PTPRM: variants seen among roughly 807,000 people sequenced by gnomAD.
PTPRM encodes the protein receptor-type tyrosine-protein phosphatase mu.
A neutral mutation model predicts 186.7 loss-of-function variants in PTPRM; 47 were observed. The ratio of observed to expected loss-of-function variants is 0.25; its 90% confidence interval spans 0.20 to 0.32. The LOEUF (loss-of-function observed/expected upper bound fraction) is 0.32. Among genes scored for constraint, PTPRM ranks in the 10% least tolerant of loss-of-function variants. The probability of loss-of-function intolerance (pLI) is 1.00; values close to 1 mark genes in which losing one functional copy is unlikely to be tolerated. For missense variants in PTPRM, 1,494 were observed against 1,865.0 expected (o/e 0.80, Z 3.66); for synonymous variants, 668 against 674.9 (o/e 0.99, Z 0.16).
chr18:8,023,263 TA>T (rs758975059), intron 7 of PTPRM, among the ~76,000 whole-genome samples: 2 of 152,096 alleles, frequency 1.3e-5, no homozygotes, highest in Non-Finnish European at 2.9e-5. Context: ...TGAAAGAGAC[TA>T]AAAGTTCAGT....
intron 1 of PTPRM, among the ~76,000 whole-genome samples, chr18:7,738,489 G>T (rs1418841267): frequency 3.9e-5 from 6 of 152,090 alleles, no homozygotes; most frequent in East Asian, 3.9e-4. Flanking sequence ...AGGCTGGAGT[G>T]CAGTGGCACG....
At chr18:8,013,173 A>T (rs1301390996) in intron 7 of PTPRM, among the ~76,000 whole-genome samples, 1 of 152,318 alleles carries the variant, frequency 6.6e-6, no homozygotes, top group African/African-American at 2.4e-5. Context: ...GTATGAAAAT[A>T]GTATTAAATA....
At chr18:7,654,894 G>C (rs182251913) in intron 1 of PTPRM, among the ~76,000 whole-genome samples, 1 of 152,240 alleles carries the variant, frequency 6.6e-6, no homozygotes, top group East Asian at 1.9e-4. Flanking sequence ...GATGCCTCTA[G>C]ATTTTGTTCT....
chr18:7,672,352 G>A (rs1026774436), intron 1 of PTPRM, among the ~76,000 whole-genome samples: 3 of 151,988 alleles, frequency 2.0e-5, no homozygotes, highest in South Asian at 4.1e-4. Flanking sequence ...TTAGTATTTG[G>A]TTGGCTTTAC....
chr18:7,946,273 TGC>T (rs1568052869), intron 5 of PTPRM, among the ~76,000 whole-genome samples: 2 of 152,232 alleles, frequency 1.3e-5, no homozygotes, highest in African/African-American at 4.8e-5. Flanking sequence ...TTTTGATAGA[TGC>T]TTCTGTTTGG....
intron 7 of PTPRM, among the ~76,000 whole-genome samples, chr18:8,042,963 C>T (rs574189583): frequency 4.6e-5 from 7 of 152,250 alleles, no homozygotes; most frequent in Non-Finnish European, 7.4e-5. Flanking sequence ...CTCTTCACTC[C>T]GTCTCAACCG....
intron 1 of PTPRM, among the ~76,000 whole-genome samples, chr18:7,612,398 C>T (rs548227662): frequency 6.6e-6 from 1 of 152,062 alleles, no homozygotes; most frequent in African/African-American, 2.4e-5. Context: ...TAATTTAAGT[C>T]TACGTTCTGG....
At chr18:8,000,567 T>G (rs2083810397) in intron 7 of PTPRM, among the ~76,000 whole-genome samples, 1 of 152,192 alleles carries the variant, frequency 6.6e-6, no homozygotes, top group Non-Finnish European at 1.5e-5. Context: ...AGGTGCTTAG[T>G]TAAGCAAAGA....
chr18:7,991,726 G>A (rs913076811), intron 7 of PTPRM, among the ~76,000 whole-genome samples: 1 of 152,036 alleles, frequency 6.6e-6, no homozygotes, highest in Non-Finnish European at 1.5e-5. Context: ...TTTCTCATTA[G>A]TAACTGACAC....
intron 7 of PTPRM, among the ~76,000 whole-genome samples, chr18:7,973,311 A>T (rs765552209): frequency 1.3e-5 from 2 of 152,164 alleles, no homozygotes; most frequent in Non-Finnish European, 2.9e-5. Flanking sequence ...GTGCTGTCAG[A>T]TTACTTTCTA....
Position 7,650,811 on chromosome 18 carries a change from G to GA in PTPRM, c.73+82930dup, listed in dbSNP as rs11294839. Among the ~76,000 whole-genome samples the GA allele has an allele frequency of 7.8e-3, 1,116 of 142,566 alleles. 14 individuals are homozygous for GA. The highest frequency in any genetic ancestry group is 0.026 in the African/African-American group (1,000 of 38,914). The allele number at this position is 142,566 out of a possible 152,430, so 93.5% of individuals were successfully genotyped here. A position where few individuals can be genotyped will look rare whatever the true frequency, so the allele number is the denominator to read the frequency against. ...AATGATGTCAGTTCAACATCTACAT[G>GA]AAAAAAAAAATGAATCTAGACACTG... On this transcript the variant is annotated intron_variant, in intron 1 of 32. Coordinates refer to ENST00000580170, the MANE Select transcript of PTPRM (RefSeq NM_001105244.2).
intron 13 of PTPRM, among the ~76,000 whole-genome samples, chr18:8,118,081 G>A (rs879756002): frequency 6.6e-6 from 1 of 152,040 alleles, no homozygotes; most frequent in Admixed American, 6.6e-5. Context: ...TAAACTTGTA[G>A]GGTACACTAA....
At chr18:7,904,149 T>G (rs944839274) in intron 3 of PTPRM, among the ~76,000 whole-genome samples, 2 of 152,224 alleles carry the variant, frequency 1.3e-5, no homozygotes, top group African/African-American at 4.8e-5. Flanking sequence ...ATTGAAATTT[T>G]TATGGAAATC....
At chr18:8,349,096 C>T (rs1166048955) in intron 23 of PTPRM, among the ~76,000 whole-genome samples, 1 of 152,212 alleles carries the variant, frequency 6.6e-6, no homozygotes, top group Non-Finnish European at 1.5e-5. Context: ...GAACTAACAA[C>T]TTTCTAATTC....
rs749162959 is a variant in PTPRM, at chr18:8,379,351, C to T, written c.3786+11C>T. 6.0e-5 allele frequency: 96 copies of T among 1,598,574 alleles called. No individual in the cohort carries two copies. Among genetic ancestry groups the T allele is most frequent in the East Asian group, 2.9e-4 (13 of 44,448 alleles). On this transcript the variant is annotated intron_variant, in intron 28 of 32. Coordinates refer to ENST00000580170, the MANE Select transcript of PTPRM (RefSeq NM_001105244.2). ...GCTGCCCTCATGGACGTGAGTGCCC[C>T]GCTTCCCGCACGGGTCCGAGGCTGG...
At chr18:7,892,416 C>T in intron 3 of PTPRM, among the ~76,000 whole-genome samples, 1 of 152,090 alleles carries the variant, frequency 6.6e-6, no homozygotes, top group Non-Finnish European at 1.5e-5. Flanking sequence ...GTAAGATGGT[C>T]CCATATATTT....
chr18:7,999,934 G>C (rs2083768409), intron 7 of PTPRM, among the ~76,000 whole-genome samples: 1 of 152,084 alleles, frequency 6.6e-6, no homozygotes. Context: ...AGTTGTAAAG[G>C]CAGCAGGCTC....
At chr18:8,377,561 G>C (rs1218423911) in intron 26 of PTPRM, 1 of 151,870 alleles carries the variant, frequency 6.6e-6, no homozygotes, top group East Asian at 1.9e-4. Flanking sequence ...TTGGACAAGA[G>C]GTTGTTGAAA....
intron 1 of PTPRM, among the ~76,000 whole-genome samples, chr18:7,611,397 C>T (rs186212148): frequency 1.6e-4 from 24 of 152,300 alleles, no homozygotes; most frequent in African/African-American, 3.6e-4. Flanking sequence ...TGCAGTCCTG[C>T]GAGCTCCATT....
Sources: allele counts gnomAD v4.1 joint callset (sites outside exome capture counted in the v4.1 genomes callset), GRCh38; gene constraint gnomAD v4.1.1; transcripts MANE v1.5; gene names NCBI Gene and HGNC (gene_info 2026-07-23, HGNC 2026-07-21).